FAM47E: variants seen among roughly 807,000 people sequenced by gnomAD.
The protein encoded by FAM47E is protein FAM47E.
Under a neutral mutation model 41.6 loss-of-function variants are expected in FAM47E, and 32 were observed. The observed-to-expected ratio is 0.77, with a 90% CI of 0.58 to 1.03. The LOEUF (loss-of-function observed/expected upper bound fraction) is 1.03. Among genes scored for constraint, FAM47E ranks in the 50% least tolerant of loss-of-function variants. FAM47E has a pLI of 0.00. For synonymous variants in FAM47E, 184 were observed against 188.7 expected (o/e 0.98, Z 0.20); for missense variants, 424 against 485.4 (o/e 0.87, Z 1.19).
At chr4:76,240,100 G>A (rs1025713886) in intron 2 of FAM47E, among the ~76,000 whole-genome samples, 9 of 152,088 alleles carry the variant, frequency 5.9e-5, no homozygotes, top group South Asian at 4.1e-4. Flanking sequence ...TGTTTTGATC[G>A]CTGTAACTTT....
chr4:76,275,016 A>G (rs1735040411), intron 5 of FAM47E, among the ~76,000 whole-genome samples: 1 of 152,202 alleles, frequency 6.6e-6, no homozygotes, highest in African/African-American at 2.4e-5. Flanking sequence ...CTCAAGGATC[A>G]CTATCCTTGG....
At chr4:76,247,822 G>T (rs530078733), upstream of FAM47E, among the ~76,000 whole-genome samples, 10 of 148,018 alleles carry the variant, frequency 6.8e-5, no homozygotes, top group African/African-American at 1.7e-4. Context: ...AGTGGTGGGA[G>T]TTTTTAAATA....
Position 76,241,563 on chromosome 4 carries a change from A to G in FAM47E, c.82-22141A>G, listed in dbSNP as rs1225937173. Among the ~76,000 whole-genome samples, 8 of 152,106 alleles carry G rather than the reference A, an allele frequency of 5.3e-5. No individual in the cohort carries two copies. The East Asian group carries it at 1.5e-3, about 29-fold the overall frequency. ...GGCTGAGGAGTAGGGTTTGGCTACT[A>G]TTGGCTATTACTGTGCTGAAATTCA... On this transcript the variant is annotated intron_variant, in intron 2 of 7. Transcript: ENST00000510197.
chr4:76,251,111 C>T (rs1462008995), upstream of FAM47E, among the ~76,000 whole-genome samples: 4 of 152,128 alleles, frequency 2.6e-5, no homozygotes, highest in African/African-American at 9.7e-5. Flanking sequence ...AACACACCCT[C>T]GTGCAATCCG....
At chr4:76,261,889 A>G (rs1193255626) in intron 2 of FAM47E, among the ~76,000 whole-genome samples, 1 of 152,202 alleles carries the variant, frequency 6.6e-6, no homozygotes, top group African/African-American at 2.4e-5. Context: ...AACAAGTGTC[A>G]TTTGTTCGCA....
chr4:76,235,451 T>C (rs1733570834), intron 2 of FAM47E, among the ~76,000 whole-genome samples: 1 of 152,220 alleles, frequency 6.6e-6, no homozygotes, highest in Admixed American at 6.5e-5. Context: ...AAGCCTCCTA[T>C]GCCAGGGACA....
intron 3 of FAM47E, chr4:76,267,984 G>T (rs986070408): frequency 6.6e-6 from 1 of 152,200 alleles, no homozygotes; most frequent in Admixed American, 6.5e-5. Context: ...GCACAACTTT[G>T]TGAATATATA....
chr4:76,259,354 T>C (rs1275089274), intron 2 of FAM47E, among the ~76,000 whole-genome samples: 1 of 152,216 alleles, frequency 6.6e-6, no homozygotes, highest in Non-Finnish European at 1.5e-5. Flanking sequence ...TCAAGAAAGA[T>C]AGACTTCTTA....
intron 2 of FAM47E, among the ~76,000 whole-genome samples, chr4:76,238,908 C>T (rs1017449071): frequency 2.6e-5 from 4 of 152,156 alleles, no homozygotes; most frequent in Non-Finnish European, 5.9e-5. Context: ...TAAGCAATAA[C>T]TCCCATTCTT....
At chr4:76,216,006 C>A (rs893273387) in intron 1 of FAM47E, among the ~76,000 whole-genome samples, 4 of 152,194 alleles carry the variant, frequency 2.6e-5, no homozygotes, top group Non-Finnish European at 5.9e-5. Flanking sequence ...GCTACCAAAG[C>A]TCTTCAAGCA....
intron 2 of FAM47E, among the ~76,000 whole-genome samples, chr4:76,226,276 T>A (rs1241602343): frequency 1.3e-5 from 2 of 151,890 alleles, no homozygotes; most frequent in African/African-American, 4.8e-5. Flanking sequence ...GGTAAACAGG[T>A]GAGGACATGA....
intron 1 of FAM47E, among the ~76,000 whole-genome samples, chr4:76,252,344 A>G (rs1033483779): frequency 6.6e-6 from 1 of 152,196 alleles, no homozygotes; most frequent in African/African-American, 2.4e-5. Flanking sequence ...GCCTCAGAGC[A>G]GGAACAAGAA....
intron 4 of FAM47E, among the ~76,000 whole-genome samples, chr4:76,270,525 A>C (rs990601128): frequency 6.6e-5 from 10 of 152,162 alleles, no homozygotes; most frequent in African/African-American, 2.4e-4. Flanking sequence ...GAAGCAGACG[A>C]CGCCCACTAT....
At chr4:76,269,194 G>A (rs116133387) in intron 4 of FAM47E, 2,673 of 167,036 alleles carry the variant, frequency 0.016, 42 homozygotes, top group Middle Eastern at 0.048. Context: ...GACATGCCAG[G>A]TGCAGTGGCT....
chr4:76,261,530 A>T (rs1432344235), intron 2 of FAM47E, among the ~76,000 whole-genome samples: 3 of 152,230 alleles, frequency 2.0e-5, no homozygotes, highest in African/African-American at 7.2e-5. Context: ...AGCGACATGG[A>T]TGGAACTGGA....
intron 2 of FAM47E, among the ~76,000 whole-genome samples, chr4:76,243,783 T>C (rs1733761859): frequency 6.6e-6 from 1 of 152,244 alleles, no homozygotes; most frequent in South Asian, 2.1e-4. Flanking sequence ...GGGGTACATG[T>C]GCAGAACGTG....
chr4:76,215,370 C>T (rs1733186482), intron 1 of FAM47E, among the ~76,000 whole-genome samples: 1 of 152,144 alleles, frequency 6.6e-6, no homozygotes, highest in Non-Finnish European at 1.5e-5. Flanking sequence ...TGTTGGCTTC[C>T]AAAACCCTCA....
At chr4:76,255,818 A>G (rs116701248) in intron 1 of FAM47E, among the ~76,000 whole-genome samples, 23 of 152,308 alleles carry the variant, frequency 1.5e-4, no homozygotes, top group Admixed American at 7.8e-4. Context: ...ATTTACGTAA[A>G]TTAAGAGTGC....
intron 2 of FAM47E, among the ~76,000 whole-genome samples, chr4:76,244,747 C>T (rs919297707): frequency 6.6e-6 from 1 of 151,948 alleles, no homozygotes; most frequent in Non-Finnish European, 1.5e-5. Context: ...ACCATCTTGG[C>T]CAGGCTGGTC....
Sources: allele counts gnomAD v4.1 joint callset (sites outside exome capture counted in the v4.1 genomes callset), GRCh38; gene constraint gnomAD v4.1.1; transcripts MANE v1.5; gene names NCBI Gene and HGNC (gene_info 2026-07-23, HGNC 2026-07-21).